The following EPB41L4B variants were observed in gnomAD, a reference collection of about 807,000 sequenced individuals.
The protein encoded by EPB41L4B is band 4.1-like protein 4B.
In EPB41L4B, 30 loss-of-function variants were observed where a neutral mutation model predicts 112.5. That is an observed-to-expected ratio of 0.27 (90% CI 0.20 to 0.36). EPB41L4B has a LOEUF of 0.36. Ranked by LOEUF, EPB41L4B falls within the 10% of genes least tolerant of loss-of-function variation. The pLI, the probability that EPB41L4B is intolerant of heterozygous loss-of-function variation, is 1.00. For synonymous variants in EPB41L4B, 408 were observed against 439.7 expected (o/e 0.93, Z 0.90); for missense variants, 1,024 against 1,133.3 (o/e 0.90, Z 1.38).
chr9:109,312,433 C>T (rs1837450080), intron 1 of EPB41L4B, among the ~76,000 whole-genome samples: 1 of 152,062 alleles, frequency 6.6e-6, no homozygotes, highest in South Asian at 2.1e-4. Context: ...TCCCAAGTGG[C>T]CTACAAAGGT....
intron 1 of EPB41L4B, among the ~76,000 whole-genome samples, chr9:109,300,643 A>T (rs936387645): frequency 6.6e-6 from 1 of 152,006 alleles, no homozygotes; most frequent in Non-Finnish European, 1.5e-5. Flanking sequence ...AACATTAGCC[A>T]GGCGTGGTGA....
rs1831689398 is a variant in EPB41L4B, at chr9:109,173,136, A to G, written c.*1418T>C. On this transcript the variant is annotated 3_prime_UTR_variant, in exon 26 of 26. Transcript: ENST00000374566. Reference sequence around the variant, plus strand: ...ACCTATTAAACTAGCAAAAATAAATAAAAATGGCAAAACCCAATACTGGCA... The same window carrying G: ...ACCTATTAAACTAGCAAAAATAAATGAAAATGGCAAAACCCAATACTGGCA... 1 of 152,656 alleles carries G rather than the reference A, an allele frequency of 6.6e-6. No homozygotes were observed. Among genetic ancestry groups the G allele is most frequent in the Admixed American group, 6.5e-5 (1 of 15,280 alleles). The allele number at this position is 152,656 out of a possible 1,614,324, so 9.5% of individuals were successfully genotyped here.
intron 9 of EPB41L4B, 31 bp downstream of exon 9, chr9:109,256,105 A>C: frequency 2.5e-6 from 4 of 1,573,540 alleles, no homozygotes; most frequent in Middle Eastern, 1.7e-4. Flanking sequence ...ATAGGAAAAG[A>C]CATTTTTAAT....
intron 22 of EPB41L4B, 39 bp downstream of exon 22, chr9:109,192,239 T>C (rs370336033): frequency 6.5e-7 from 1 of 1,529,314 alleles, no homozygotes; most frequent in Non-Finnish European, 9.0e-7. Context: ...GTTTCTATGG[T>C]CTGTGACTTT....
rs905013202 is a variant in EPB41L4B, at chr9:109,178,431, G to A, written c.2488-1735C>T. ...GAGTTTTGCTCTGTTGCCCAGGCTG[G>A]AGGCCACAATCTTAGCTCACTGCAA... is the stretch of plus-strand genomic sequence containing the variant. On this transcript the variant is annotated intron_variant, in intron 24 of 25. Coordinates refer to ENST00000374566, the MANE Select transcript of EPB41L4B (RefSeq NM_019114.5). Among the ~76,000 whole-genome samples, 6 of 151,114 alleles carry A rather than the reference G, an allele frequency of 4.0e-5. No homozygotes were observed. In the East Asian group the frequency reaches 1.2e-3, roughly 29 times the overall value.
intron 15 of EPB41L4B, among the ~76,000 whole-genome samples, chr9:109,242,641 CA>C (rs1834392717): frequency 6.6e-6 from 1 of 152,146 alleles, no homozygotes; most frequent in South Asian, 2.1e-4. Flanking sequence ...AATTCCCCAA[CA>C]AACTTTTTTT....
intron 11 of EPB41L4B, 51 bp from the exon 12 acceptor site, chr9:109,253,601 A>G (rs1456599353): frequency 2.5e-6 from 3 of 1,203,300 alleles, no homozygotes; most frequent in South Asian, 2.5e-5. Context: ...ATCTCAGTAC[A>G]TTACCTGTTT....
rs951993369 is a variant in EPB41L4B at position 109,192,978 on chromosome 9, C to T, written c.2224-623G>A. Among the ~76,000 whole-genome samples, 7 of 152,198 alleles carry T rather than the reference C, an allele frequency of 4.6e-5. No homozygotes were observed. The East Asian group carries it at 5.8e-4, about 13-fold the overall frequency. ...TGGGATGCCACTTGCATCCCCTCCA[C>T]GCCACCCCAACCCCCTTCTGTTTCG... On this transcript the variant is annotated intron_variant, in intron 21 of 25. Coordinates refer to ENST00000374566, the MANE Select transcript of EPB41L4B (RefSeq NM_019114.5).
Position 109,256,436 on chromosome 9 carries a change from G to A in EPB41L4B, c.797C>T (p.Ala266Val), listed in dbSNP as rs749578005. Residue 266 changes from alanine to valine, a missense_variant, in exon 8 of 26, where the codon GCG (alanine) becomes GTG (valine). Coordinates refer to ENST00000374566, the MANE Select transcript of EPB41L4B (RefSeq NM_019114.5). ...TACCCCATACATTTCCAGCCACTTC[G>A]CTTTATTCAGATAGGAGAGTTCCGC... ...AQAELSYLNK[A>V]KWLEMYGVDM... 8 of 1,614,032 alleles carry A rather than the reference G, an allele frequency of 5.0e-6. No individual in the cohort carries two copies. Among genetic ancestry groups the A allele is most frequent in the African/African-American group, 4.0e-5 (3 of 74,908 alleles).
At chr9:109,309,139 G>A (rs1417225404) in intron 1 of EPB41L4B, among the ~76,000 whole-genome samples, 1 of 152,032 alleles carries the variant, frequency 6.6e-6, no homozygotes, top group Non-Finnish European at 1.5e-5. Context: ...AGTAGGGAGG[G>A]GTATAAAAGG....
intron 2 of EPB41L4B, among the ~76,000 whole-genome samples, chr9:109,275,065 G>T (rs1306028531): frequency 1.3e-5 from 2 of 152,190 alleles, no homozygotes; most frequent in Non-Finnish European, 2.9e-5. Flanking sequence ...TGGGTTCCTG[G>T]ATGGCCTCCT....
At chr9:109,262,947 A>G in intron 6 of EPB41L4B, 103 bp downstream of exon 6, 1 of 788,548 alleles carries the variant, frequency 1.3e-6, no homozygotes, top group African/African-American at 1.8e-5. Flanking sequence ...ATTCATTTAT[A>G]TCCCCAAAGC....
chr9:109,265,165 T>C (rs1457655559), intron 4 of EPB41L4B, 141 bp from the exon 5 acceptor site: 2 of 651,266 alleles, frequency 3.1e-6, no homozygotes, highest in East Asian at 2.8e-5. Context: ...AATGAGAACT[T>C]TGGTGGAAGC....
rs552634990 is a variant in EPB41L4B, at chr9:109,194,661, C to G, written c.2046-264G>C. ...TACAATATAATATTTATCATTTTAA[C>G]TGCTTATAAATATACAATTCAGTGG... On this transcript the variant is annotated intron_variant, in intron 20 of 25. Coordinates refer to ENST00000374566, the MANE Select transcript of EPB41L4B (RefSeq NM_019114.5). Among the ~76,000 whole-genome samples, 24 of 152,284 alleles carry G rather than the reference C, an allele frequency of 1.6e-4. No individual in the cohort carries two copies. The South Asian group carries it at 4.1e-3, about 26-fold the overall frequency.
chr9:109,183,672 G>C (rs1002827390), intron 23 of EPB41L4B, among the ~76,000 whole-genome samples: 2 of 152,190 alleles, frequency 1.3e-5, no homozygotes, highest in African/African-American at 4.8e-5. Context: ...ATTCCTGGGG[G>C]ACAGAAACTG....
intron 17 of EPB41L4B, among the ~76,000 whole-genome samples, chr9:109,211,989 G>T (rs1217828094): frequency 1.3e-5 from 2 of 151,946 alleles, no homozygotes; most frequent in Non-Finnish European, 2.9e-5. Flanking sequence ...CAAAGTGCTG[G>T]GATTACAGGC....
Position 109,249,613 on chromosome 9 carries a change from C to G in EPB41L4B, c.1311-1824G>C, listed in dbSNP as rs534996798. Among the ~76,000 whole-genome samples the G allele has an allele frequency of 1.3e-4, 20 of 151,384 alleles. No individual in the cohort carries two copies. The South Asian group carries it at 4.2e-3, about 32-fold the overall frequency. On this transcript the variant is annotated intron_variant, in intron 13 of 25. Transcript: ENST00000374566. ...GGAGAAACAAGCAAAACAATCACTA[C>G]CTTAGAGAGCAAAGTAAAGAAATTG...
At chr9:109,243,558 G>C (rs1834429723) in intron 15 of EPB41L4B, 60 bp downstream of exon 15, 3 of 1,541,536 alleles carry the variant, frequency 1.9e-6, no homozygotes, top group Admixed American at 1.7e-5. Flanking sequence ...AGCAGAATCT[G>C]AACTTTTCTA....
intron 1 of EPB41L4B, among the ~76,000 whole-genome samples, chr9:109,285,625 TC>T (rs1259719770): frequency 6.6e-6 from 1 of 151,958 alleles, no homozygotes; most frequent in Non-Finnish European, 1.5e-5. Context: ...CAAACAGGGG[TC>T]CCCAGTGGGT....
Sources: allele counts gnomAD v4.1 joint callset (sites outside exome capture counted in the v4.1 genomes callset), GRCh38; gene constraint gnomAD v4.1.1; transcripts MANE v1.5; gene names NCBI Gene and HGNC (gene_info 2026-07-23, HGNC 2026-07-21).